The following FOXP2 variants were observed in gnomAD, a reference collection of about 807,000 sequenced individuals.
FOXP2 encodes forkhead box P2, also known as forkhead box protein P2.
A neutral mutation model predicts 115.8 loss-of-function variants in FOXP2; 12 were observed. The observed-to-expected ratio is 0.10, with a 90% CI of 0.07 to 0.17. The LOEUF is 0.17. FOXP2 is among the 10% of genes least tolerant of loss of function. The probability of loss-of-function intolerance (pLI) is 1.00; values close to 1 mark genes in which losing one functional copy is unlikely to be tolerated. For missense variants in FOXP2, 629 were observed against 843.5 expected (o/e 0.75, Z 3.15); for synonymous variants, 328 against 297.7 (o/e 1.10, Z -1.05).
intron 3 of FOXP2, among the ~76,000 whole-genome samples, chr7:114,545,713 T>G (rs1178959908): frequency 6.6e-6 from 1 of 152,186 alleles, no homozygotes; most frequent in Non-Finnish European, 1.5e-5. Context: ...AAACTACTTA[T>G]AGTTACTCAA....
chr7:114,526,195 A>AAAC lies in FOXP2; in HGVS notation c.169-8422_169-8421insAAC, dbSNP rs1554410537. Among the ~76,000 whole-genome samples the AAAC allele has an allele frequency of 4.8e-3, 705 of 147,090 alleles. 5 individuals carry two copies. Among genetic ancestry groups the AAAC allele is most frequent in the African/African-American group, 0.017 (673 of 39,938 alleles). On this transcript the variant is annotated intron_variant, in intron 2 of 16. Coordinates refer to ENST00000350908, the MANE Select transcript of FOXP2 (RefSeq NM_014491.4). ...ATTAAAAAAAAAAAAAAAAAAAAAAAGGGCCGGACGCAGTGGCTCACGCCT... is the reference window on the plus strand; with the variant it reads ...ATTAAAAAAAAAAAAAAAAAAAAAAAAACGGGCCGGACGCAGTGGCTCACGCCT...
intron 2 of FOXP2, among the ~76,000 whole-genome samples, chr7:114,337,095 A>G (rs977454317): frequency 2.0e-5 from 3 of 151,550 alleles, no homozygotes; most frequent in South Asian, 2.1e-4. Flanking sequence ...AGATTATTCT[A>G]TAATATTTCA....
At chr7:114,372,585 A>G (rs1792040435) in intron 2 of FOXP2, among the ~76,000 whole-genome samples, 1 of 152,230 alleles carries the variant, frequency 6.6e-6, no homozygotes, top group African/African-American at 2.4e-5. Flanking sequence ...AATTTCCCCA[A>G]AAGAATACAG....
At chr7:114,172,943 G>C (rs572412290) in intron 1 of FOXP2, among the ~76,000 whole-genome samples, 2 of 152,138 alleles carry the variant, frequency 1.3e-5, no homozygotes, top group East Asian at 3.9e-4. Context: ...AATGTCCATA[G>C]ATGAGGACCT....
At chr7:114,290,909 T>A (rs571393167) in intron 2 of FOXP2, among the ~76,000 whole-genome samples, 45 of 152,282 alleles carry the variant, frequency 3.0e-4, no homozygotes, top group African/African-American at 1.1e-3. Context: ...AAGGGCATAA[T>A]GAACATTTAA....
At chr7:114,102,580 A>G (rs999791634) in intron 1 of FOXP2, among the ~76,000 whole-genome samples, 1 of 151,482 alleles carries the variant, frequency 6.6e-6, no homozygotes, top group Non-Finnish European at 1.5e-5. Flanking sequence ...TTTTTATTCA[A>G]CCATTTAAAC....
intron 8 of FOXP2, among the ~76,000 whole-genome samples, 174 bp from the exon 9 acceptor site, chr7:114,652,029 A>G (rs1806288271): frequency 6.6e-6 from 1 of 152,172 alleles, no homozygotes; most frequent in African/African-American, 2.4e-5. Flanking sequence ...CATTACATAA[A>G]TAATTTTCAC....
At chr7:114,118,313 C>T (rs899026462) in intron 1 of FOXP2, among the ~76,000 whole-genome samples, 1 of 152,130 alleles carries the variant, frequency 6.6e-6, no homozygotes, top group East Asian at 1.9e-4. Flanking sequence ...AATTTGTCTT[C>T]ATTAGAGCAT....
intron 1 of FOXP2, among the ~76,000 whole-genome samples, chr7:114,135,030 A>G (rs1473553237): frequency 1.3e-5 from 2 of 152,236 alleles, no homozygotes; most frequent in Non-Finnish European, 2.9e-5. Flanking sequence ...TTGTGCATAT[A>G]TCGTTGTCCA....
At chr7:114,303,230 A>AT (rs1029032893) in intron 2 of FOXP2, among the ~76,000 whole-genome samples, 6 of 152,306 alleles carry the variant, frequency 3.9e-5, no homozygotes, top group Admixed American at 2.0e-4. Context: ...ACTTGAAATG[A>AT]TTTTTGAAGG....
chr7:114,259,889 TTTG>T (rs980567274), intron 1 of FOXP2, among the ~76,000 whole-genome samples: 44 of 152,086 alleles, frequency 2.9e-4, no homozygotes, highest in South Asian at 2.7e-3. Flanking sequence ...AATGTATATT[TTTG>T]TTGTTGTTGT....
chr7:114,629,692 A>G (rs748714934), intron 4 of FOXP2, 113 bp from the exon 5 acceptor site: 1 of 1,601,902 alleles, frequency 6.2e-7, no homozygotes, highest in Non-Finnish European at 8.5e-7. Context: ...TGTTGTTTTT[A>G]TGGGATGAAT....
At chr7:114,317,257 C>A (rs1329203406) in intron 2 of FOXP2, among the ~76,000 whole-genome samples, 1 of 152,168 alleles carries the variant, frequency 6.6e-6, no homozygotes. Flanking sequence ...GTCACTGGAG[C>A]TATAACACAC....
chr7:114,409,463 C>T (rs1793113383), upstream of FOXP2, among the ~76,000 whole-genome samples: 1 of 152,034 alleles, frequency 6.6e-6, no homozygotes. Context: ...TTTATTTCAT[C>T]TTTAAGAAAC....
At chr7:114,423,212 C>T (rs1793694266) in intron 1 of FOXP2, among the ~76,000 whole-genome samples, 1 of 151,648 alleles carries the variant, frequency 6.6e-6, no homozygotes, top group South Asian at 2.1e-4. Context: ...TTGGTAACAA[C>T]ACAATTCTGC....
intron 1 of FOXP2, among the ~76,000 whole-genome samples, chr7:114,242,520 C>T (rs1308584460): frequency 2.6e-5 from 4 of 152,046 alleles, no homozygotes; most frequent in Non-Finnish European, 5.9e-5. Context: ...GTACTCATAA[C>T]CATTATTAAT....
chr7:114,569,040 G>T (rs1357108563), intron 3 of FOXP2, among the ~76,000 whole-genome samples: 1 of 151,958 alleles, frequency 6.6e-6, no homozygotes, highest in Non-Finnish European at 1.5e-5. Context: ...AATATAAACA[G>T]TGTCACGGCA....
chr7:114,591,208 A>G (rs771740515), intron 3 of FOXP2, among the ~76,000 whole-genome samples: 6 of 152,146 alleles, frequency 3.9e-5, no homozygotes, highest in Non-Finnish European at 8.8e-5. Context: ...TACCTTGACC[A>G]TTGTAACACA....
At chr7:114,167,525 G>A (rs562185585) in intron 1 of FOXP2, among the ~76,000 whole-genome samples, 6 of 152,216 alleles carry the variant, frequency 3.9e-5, no homozygotes, top group East Asian at 1.9e-4. Flanking sequence ...CATAGCTCCC[G>A]TAATTTTCAT....
Sources: allele counts gnomAD v4.1 joint callset (sites outside exome capture counted in the v4.1 genomes callset), GRCh38; gene constraint gnomAD v4.1.1; transcripts MANE v1.5; gene names NCBI Gene and HGNC (gene_info 2026-07-23, HGNC 2026-07-21).